Variants in HK2 observed in about 807,000 individuals in gnomAD.
The protein encoded by HK2 is hexokinase-2.
Under a neutral mutation model 92.9 loss-of-function variants are expected in HK2, and 42 were observed. That is an observed-to-expected ratio of 0.45 (90% confidence interval 0.35 to 0.58). HK2 has a LOEUF of 0.58. Ranked by LOEUF, HK2 falls within the 20% of genes least tolerant of loss-of-function variation. The probability of loss-of-function intolerance (pLI) is 0.00; values close to 1 mark genes in which losing one functional copy is unlikely to be tolerated. For missense variants in HK2, 978 were observed against 1,245.1 expected, an observed-to-expected ratio of 0.79 and a Z score of 3.23; for synonymous variants, 422 against 468.0, an observed-to-expected ratio of 0.90 and a Z score of 1.27.
chr2:74,835,946 G>C (rs1688156321), intron 1 of HK2, among the ~76,000 whole-genome samples: 1 of 152,174 alleles, frequency 6.6e-6, no homozygotes, highest in African/African-American at 2.4e-5. Flanking sequence ...GATGGCGCGT[G>C]AACCTCCAAG....
rs546908376 is a variant in HK2 at position 74,834,442 on chromosome 2, T to C, written c.-139T>C. 59 of 839,384 alleles carry C rather than the reference T, an allele frequency of 7.0e-5. No homozygotes were observed. In the East Asian group the frequency reaches 1.4e-3, roughly 20 times the overall value. The allele number at this position is 839,384 out of a possible 1,614,324, so 52.0% of individuals were successfully genotyped here. A position where few individuals can be genotyped will look rare whatever the true frequency, so the allele number is the denominator to read the frequency against. On this transcript the variant is annotated 5_prime_UTR_variant, in exon 1 of 18. Transcript: ENST00000290573. This position sits in a 1 kb window ranked among gnomAD's most constrained non-coding sequence, Gnocchi z 4.2. The stretch of plus-strand genomic sequence containing the variant: ...GCCGGGCGCACCCTCGCCGGTAGCC[T>C]TCTTTGTGCGCCGTCCGGACTCCCA...
chr2:74,874,280 G>T lies in HK2; in HGVS notation c.706G>T (p.Ala236Ser). ...TGTTTTGGCAGGCACGGGCAGCAAC[G>T]CCTGCTACATGGAAGAGATGCGCCA... ...IGLIVGTGSN[A>S]CYMEEMRHID... The change falls in exon 7 of 18, where the codon GCC becomes TCC. Residue 236 changes from alanine (A) to serine (S), a missense_variant. Transcript: ENST00000290573. The T allele has an allele frequency of 6.2e-7, 1 of 1,614,184 alleles. No homozygotes were observed. Among genetic ancestry groups the T allele is most frequent in the East Asian group, 2.2e-5 (1 of 44,882 alleles).
At chr2:74,846,349 A>G (rs1688436067) in intron 1 of HK2, among the ~76,000 whole-genome samples, 1 of 151,996 alleles carries the variant, frequency 6.6e-6, no homozygotes, top group Non-Finnish European at 1.5e-5. Flanking sequence ...GAATTGAAGT[A>G]TAATGCACAT....
chr2:74,844,768 C>T (rs1462040046), intron 1 of HK2, among the ~76,000 whole-genome samples: 2 of 152,240 alleles, frequency 1.3e-5, no homozygotes, highest in Admixed American at 1.3e-4. Flanking sequence ...GGAAACCATG[C>T]TGCTGCGGGG....
intron 7 of HK2, 151 bp from the exon 8 acceptor site, chr2:74,877,015 G>A (rs756790902): frequency 1.4e-5 from 14 of 1,013,846 alleles, no homozygotes; most frequent in East Asian, 7.2e-5. Flanking sequence ...CCTCTGAGCC[G>A]TCACCTCTCC....
chr2:74,843,946 C>G (rs185855147), intron 1 of HK2, among the ~76,000 whole-genome samples: 47 of 152,314 alleles, frequency 3.1e-4, no homozygotes, highest in African/African-American at 1.1e-3. Context: ...CTCAAGCTGC[C>G]CTCCAGGTAG....
chr2:74,872,253 A>G (rs898273338), intron 3 of HK2, 47 bp from the exon 4 acceptor site: 4 of 1,608,770 alleles, frequency 2.5e-6, no homozygotes, highest in African/African-American at 1.3e-5. Context: ...CTTAATCTCT[A>G]TGCTGTTCGA....
chr2:74,873,413 G>C (rs369509758), intron 5 of HK2, 42 bp downstream of exon 5: 1 of 1,376,974 alleles, frequency 7.3e-7, no homozygotes, highest in African/African-American at 1.4e-5. Flanking sequence ...GGGCTTTTCT[G>C]GGTCCACCCT....
In HK2 at chr2:74,881,870, C is replaced by T. The variant is rs566890518; in HGVS notation, c.1719+11C>T. ...GGCACCGGGGACGAGGTGAGCAGGGCGGCGCCTTCAGGAGGGGGCCCCTGG... is the reference window on the plus strand; with the variant it reads ...GGCACCGGGGACGAGGTGAGCAGGGTGGCGCCTTCAGGAGGGGGCCCCTGG... On this transcript the variant is annotated intron_variant, in intron 11 of 17. Transcript: ENST00000290573. 3.7e-6 allele frequency: 6 copies of T among 1,613,702 alleles called. No homozygotes were observed. The highest frequency in any genetic ancestry group is 2.2e-5 in the South Asian group (2 of 91,056).
intron 17 of HK2, among the ~76,000 whole-genome samples, chr2:74,889,759 AC>A (rs1261736124): frequency 6.6e-6 from 1 of 150,674 alleles, no homozygotes; most frequent in African/African-American, 2.4e-5. Flanking sequence ...TTTCTTTTCC[AC>A]CCCCATATAT....
At chr2:74,879,314 T>C (rs1872837) in intron 9 of HK2, among the ~76,000 whole-genome samples, 66,434 of 152,054 alleles carry the variant, frequency 0.44, 14,820 homozygotes, top group Middle Eastern at 0.62. Flanking sequence ...CTGACCTTGG[T>C]ATTAAATTGA....
In HK2 at chr2:74,880,246, C is replaced by G; in HGVS notation, c.1266-19C>G. The G allele has an allele frequency of 6.2e-7, 1 of 1,613,888 alleles. No homozygotes were observed. The highest frequency in any genetic ancestry group is 8.5e-7 in the Non-Finnish European group (1 of 1,179,958). On this transcript the variant is annotated intron_variant, in intron 9 of 17. Coordinates refer to ENST00000290573, the MANE Select transcript of HK2 (RefSeq NM_000189.5). ...CTAACCATGGACACCTGTCTCTTAC[C>G]CGCCCTGGGGAACTGCAGTTTTGCC... is the stretch of plus-strand genomic sequence containing the variant.
At chr2:74,884,876 G>A (rs894726238) in intron 12 of HK2, among the ~76,000 whole-genome samples, 2 of 152,244 alleles carry the variant, frequency 1.3e-5, no homozygotes, top group African/African-American at 4.8e-5. Context: ...CACTGAGGAT[G>A]CTGAGGAGGA....
chr2:74,850,209 G>A (rs1688533935), intron 1 of HK2, among the ~76,000 whole-genome samples: 1 of 152,242 alleles, frequency 6.6e-6, no homozygotes, highest in Non-Finnish European at 1.5e-5. Flanking sequence ...GTGTCATTTG[G>A]TTAGTCTGGA....
At chr2:74,859,263 T>C (rs991874016) in intron 2 of HK2, among the ~76,000 whole-genome samples, 1 of 152,248 alleles carries the variant, frequency 6.6e-6, no homozygotes, top group African/African-American at 2.4e-5. Flanking sequence ...CTCTAGTTAC[T>C]ATGTATGCTG....
rs527361874 is a variant in HK2, at chr2:74,848,020, G to A, written c.64-6273G>A. ...AGCTAATGTAATGTTGTGAAGGTGA[G>A]GAGCTTTCTGTTCCTGGAATTGGTA... On this transcript the variant is annotated intron_variant, in intron 1 of 17. Coordinates refer to ENST00000290573, the MANE Select transcript of HK2 (RefSeq NM_000189.5). 2.0e-5 allele frequency among the ~76,000 whole-genome samples: 3 copies of A among 152,336 alleles called. No individual in the cohort carries two copies. The South Asian group carries it at 6.2e-4, about 32-fold the overall frequency.
chr2:74,875,118 A>G (rs1476578988), intron 7 of HK2, among the ~76,000 whole-genome samples: 2 of 152,136 alleles, frequency 1.3e-5, no homozygotes, highest in Admixed American at 1.3e-4. Flanking sequence ...TCACCCTCAC[A>G]AACATTTGCC....
Position 74,854,461 on chromosome 2 carries a change from G to C in HK2, c.226+6G>C, listed in dbSNP as rs777481912. The C allele has an allele frequency of 1.9e-6, 3 of 1,613,910 alleles. No homozygotes were observed. The highest frequency in any genetic ancestry group is 2.7e-5 in the African/African-American group (2 of 74,940). On this transcript the variant is annotated splice_donor_region_variant and intron_variant, in intron 2 of 17. Coordinates refer to ENST00000290573, the MANE Select transcript of HK2 (RefSeq NM_000189.5). ...GTCCACTCCAGATGGGACAGGTACTGCATCTGGGGGATGGCTCTAGCTGCT... is the reference window on the plus strand; with the variant it reads ...GTCCACTCCAGATGGGACAGGTACTCCATCTGGGGGATGGCTCTAGCTGCT...
intron 2 of HK2, among the ~76,000 whole-genome samples, chr2:74,867,326 G>A (rs1688977817): frequency 1.3e-5 from 2 of 151,908 alleles, no homozygotes; most frequent in African/African-American, 2.4e-5. Context: ...TAAGCTATGA[G>A]GATGCAAAAG....
Sources: gnomAD v4.1 joint callset for allele counts (sites outside exome capture counted in the v4.1 genomes callset) on GRCh38, gnomAD v4.1.1 for gene constraint, Gnocchi (gnomAD v3.1) non-coding constraint, MANE v1.5 for transcripts, NCBI Gene and HGNC (gene_info 2026-07-23, HGNC 2026-07-21) for gene names.